Variants in DNAH9 observed in about 807,000 individuals in gnomAD.
DNAH9 encodes DNAH9 variant protein.
A neutral mutation model predicts 471.6 loss-of-function variants in DNAH9; 345 were observed. The ratio of observed to expected loss-of-function variants is 0.73; its 90% CI spans 0.67 to 0.80. The LOEUF is 0.80. Ranked by LOEUF, DNAH9 falls within the 30% of genes least tolerant of loss-of-function variation. DNAH9 has a pLI of 0.00. For synonymous variants in DNAH9, 2,093 were observed against 2,123.6 expected, an observed-to-expected ratio of 0.99 and a Z score of 0.40; for missense variants, 5,407 against 5,609.2, an observed-to-expected ratio of 0.96 and a Z score of 1.15.
chr17:11,836,247 T>C (rs1970847057), intron 49 of DNAH9, among the ~76,000 whole-genome samples: 1 of 152,210 alleles, frequency 6.6e-6, no homozygotes, highest in African/African-American at 2.4e-5. Flanking sequence ...CTTCTTGAAT[T>C]CTGCATTGTC....
In DNAH9 at chr17:11,654,432, A is replaced by G. The variant is rs547990578; in HGVS notation, c.2595+1430A>G. ...CGTCTATGTATCTATCTATTGATGT[A>G]TCACCTATCTATGTGATGACAAATG... is the stretch of plus-strand genomic sequence containing the variant. On this transcript the variant is annotated intron_variant, in intron 14 of 68. Coordinates refer to ENST00000262442, the MANE Select transcript of DNAH9 (RefSeq NM_001372.4). Among the ~76,000 whole-genome samples, 22 of 151,320 alleles carry G rather than the reference A, an allele frequency of 1.5e-4. No homozygotes were observed. The East Asian group carries it at 1.7e-3, about 12-fold the overall frequency.
At chr17:11,645,998 G>A (rs1462166126) in intron 11 of DNAH9, among the ~76,000 whole-genome samples, 2 of 150,240 alleles carry the variant, frequency 1.3e-5, no homozygotes, top group Admixed American at 1.3e-4. Flanking sequence ...TTCTGCCTCA[G>A]CCACCCGAGT....
rs1969291975 is a variant in DNAH9, at chr17:11,797,666, G to A, written c.8293G>A (p.Glu2765Lys). 6.2e-7 allele frequency: 1 copy of A among 1,614,086 alleles called. No individual in the cohort carries two copies. Among genetic ancestry groups the A allele is most frequent in the Admixed American group, 1.7e-5 (1 of 60,004 alleles). Residue 2765 changes from glutamate to lysine, a missense_variant, in exon 43 of 69, where the codon GAG (glutamate) becomes AAG (lysine). Around this residue, in one of 3 missense-constraint regions of DNAH9, gnomAD observed 4,636 missense variants for 4,900.3 expected, o/e 0.95. Coordinates refer to ENST00000262442, the MANE Select transcript of DNAH9 (RefSeq NM_001372.4). ...TTGTCACTTTGCAAATGGTATTGGG[G>A]AGCCCAAATACATGCCTGTACAGTC... ...LYCHFANGIG[E>K]PKYMPVQSWE...
intron 48 of DNAH9, among the ~76,000 whole-genome samples, chr17:11,828,993 T>G (rs1188617860): frequency 6.6e-6 from 1 of 152,092 alleles, no homozygotes. Flanking sequence ...AGATGAAGGG[T>G]GGAGAGGCAA....
Position 11,699,868 on chromosome 17 carries a change from T to C in DNAH9, c.5010T>C (p.Cys1670=). 6.2e-7 allele frequency: 1 copy of C among 1,614,178 alleles called. No individual in the cohort carries two copies. The highest frequency in any genetic ancestry group is 1.7e-5 in the Admixed American group (1 of 60,026). Residue 1670 remains cysteine (C), a synonymous_variant, in exon 23 of 69, where the codon TGT becomes TGC. Transcript: ENST00000262442. The stretch of plus-strand genomic sequence containing the variant: ...AGTATGTGGCTTTCAGTGAGCCCTG[T>C]GACTGCAGCGGGCAGGTAACACAGT... ...EEEYVAFSEP[C]DCSGQVEIWL...
intron 61 of DNAH9, 33 bp from the exon 62 acceptor site, chr17:11,923,781 G>A (rs779997000): frequency 1.1e-5 from 17 of 1,610,334 alleles, no homozygotes; most frequent in Non-Finnish European, 1.4e-5. Flanking sequence ...TTAGACACAA[G>A]AAATAATAAT....
At chr17:11,913,910 T>C (rs1973864394) in intron 61 of DNAH9, among the ~76,000 whole-genome samples, 1 of 152,202 alleles carries the variant, frequency 6.6e-6, no homozygotes, top group Admixed American at 6.5e-5. Flanking sequence ...AGCTATGTCT[T>C]TGTTTTTGCA....
intron 28 of DNAH9, among the ~76,000 whole-genome samples, chr17:11,732,404 C>A (rs1381686451): frequency 6.6e-6 from 1 of 152,070 alleles, no homozygotes; most frequent in African/African-American, 2.4e-5. Flanking sequence ...TAATTATTCA[C>A]ACGGCAATCC....
At chr17:11,777,967 ATATAT>A (rs1477992411) in intron 38 of DNAH9, among the ~76,000 whole-genome samples, 4 of 152,142 alleles carry the variant, frequency 2.6e-5, no homozygotes, top group Non-Finnish European at 4.4e-5. Flanking sequence ...ATAAGTAAAG[ATATAT>A]TAGGAGGTAA....
chr17:11,683,230 A>G (rs762325196), intron 19 of DNAH9, among the ~76,000 whole-genome samples: 2 of 152,062 alleles, frequency 1.3e-5, no homozygotes, highest in Non-Finnish European at 2.9e-5. Flanking sequence ...CTGGAGTGCA[A>G]TGGCACGATC....
intron 6 of DNAH9, among the ~76,000 whole-genome samples, chr17:11,620,354 A>C (rs952804967): frequency 6.7e-6 from 1 of 148,946 alleles, no homozygotes; most frequent in African/African-American, 2.5e-5. Context: ...CTCTACTAAA[A>C]ATACAAAAAT....
chr17:11,905,850 C>T (rs1973580349), intron 61 of DNAH9, 41 bp downstream of exon 61: 2 of 1,558,766 alleles, frequency 1.3e-6, no homozygotes, highest in Non-Finnish European at 1.7e-6. Context: ...TGCATTTGCC[C>T]CATGCACTTT....
At chr17:11,784,622 G>A in intron 41 of DNAH9, 83 bp downstream of exon 41, 1 of 1,583,998 alleles carries the variant, frequency 6.3e-7, no homozygotes, top group South Asian at 1.1e-5. Context: ...AGTAGCTAAT[G>A]CCCAGCTCAT....
At chr17:11,871,538 A>G in intron 51 of DNAH9, 60 bp from the exon 52 acceptor site, 1 of 1,503,112 alleles carries the variant, frequency 6.7e-7, no homozygotes, top group Non-Finnish European at 9.2e-7. Flanking sequence ...TGATGGAATC[A>G]CGGCTCTATC....
intron 31 of DNAH9, among the ~76,000 whole-genome samples, chr17:11,746,093 A>G (rs557837893): frequency 6.6e-6 from 1 of 152,364 alleles, no homozygotes; most frequent in East Asian, 1.9e-4. Flanking sequence ...ACACATCATA[A>G]TGCAATTTCA....
chr17:11,733,287 A>G (rs1030108628), intron 28 of DNAH9, among the ~76,000 whole-genome samples: 2 of 152,242 alleles, frequency 1.3e-5, no homozygotes, highest in Admixed American at 6.5e-5. Flanking sequence ...AGATCCCAGT[A>G]GCATAGGGCT....
At chr17:11,779,630 T>C (rs1056604307) in intron 38 of DNAH9, among the ~76,000 whole-genome samples, 1 of 152,168 alleles carries the variant, frequency 6.6e-6, no homozygotes, top group African/African-American at 2.4e-5. Context: ...TTGAATATCA[T>C]TGCCTTGGGA....
At chr17:11,745,757 T>C (rs185298605) in intron 31 of DNAH9, among the ~76,000 whole-genome samples, 47 of 152,354 alleles carry the variant, frequency 3.1e-4, no homozygotes, top group South Asian at 6.2e-4. Context: ...TAAAGACCTC[T>C]TTTAAATGTA....
intron 14 of DNAH9, among the ~76,000 whole-genome samples, chr17:11,657,822 T>C (rs1787119832): frequency 6.6e-6 from 1 of 151,988 alleles, no homozygotes. Context: ...GGCACCTTTG[T>C]TGAAAATTGA....
Sources: allele counts gnomAD v4.1 joint callset (sites outside exome capture counted in the v4.1 genomes callset), GRCh38; gene constraint gnomAD v4.1.1; regional missense constraint gnomAD v4.1.1; transcripts MANE v1.5; gene names NCBI Gene and HGNC (gene_info 2026-07-23, HGNC 2026-07-21).